C2CD3: variants seen among roughly 807,000 people sequenced by gnomAD.
C2CD3 encodes the protein C2 domain containing 3 centriole elongation regulator, also known as C2 domain-containing protein 3.
A neutral mutation model predicts 234.0 loss-of-function variants in C2CD3; 148 were observed. That is an observed-to-expected ratio of 0.63 (90% confidence interval 0.55 to 0.72). C2CD3 has a LOEUF of 0.72. C2CD3 is among the 30% of genes least tolerant of loss of function. The probability of loss-of-function intolerance (pLI) is 0.00; values close to 1 mark genes in which losing one functional copy is unlikely to be tolerated. For missense variants in C2CD3, 2,577 were observed against 2,811.5 expected (o/e 0.92, Z 1.89); for synonymous variants, 1,000 against 1,035.4 (o/e 0.97, Z 0.66).
At chr11:74,044,976 T>C (rs1036429149) in intron 28 of C2CD3, among the ~76,000 whole-genome samples, 1 of 152,182 alleles carries the variant, frequency 6.6e-6, no homozygotes, top group Non-Finnish European at 1.5e-5. Context: ...TTGGTGTCAT[T>C]TCCTAAGGAA....
At chr11:74,117,913 C>T (rs78384854) in intron 9 of C2CD3, among the ~76,000 whole-genome samples, 1 of 65,988 alleles carries the variant, frequency 1.5e-5, no homozygotes. Flanking sequence ...AACTCCGTCT[C>T]AAAAAAAAAA....
intron 2 of C2CD3, chr11:74,164,164 C>T (rs1856655664): frequency 1.0e-6 from 1 of 973,082 alleles, no homozygotes; most frequent in Admixed American, 6.2e-5. Context: ...TTATACTTCA[C>T]TTGTTGTGGA....
intron 3 of C2CD3, among the ~76,000 whole-genome samples, chr11:74,151,824 T>C (rs1014337217): frequency 5.3e-5 from 8 of 152,048 alleles, no homozygotes; most frequent in Non-Finnish European, 1.0e-4. Flanking sequence ...TAGATGCTCC[T>C]AATGCTTAAG....
rs118123271 is a variant in C2CD3, at chr11:74,039,759, C to T, written c.5661-2061G>A. Among the ~76,000 whole-genome samples, 547 of 152,180 alleles carry T rather than the reference C, an allele frequency of 3.6e-3. 3 individuals are homozygous for T. The highest frequency in any genetic ancestry group is 5.5e-3 in the Non-Finnish European group (371 of 68,000). The stretch of plus-strand genomic sequence containing the variant: ...GGATGCAGCTAAACAACCTACAATG[C>T]GCAGAACTGACCCTCAAAACAAAAT... On this transcript the variant is annotated intron_variant, in intron 29 of 32. Transcript: ENST00000334126.
At chr11:74,048,815 C>G (rs558098224) in intron 27 of C2CD3, among the ~76,000 whole-genome samples, 6 of 152,124 alleles carry the variant, frequency 3.9e-5, no homozygotes, top group African/African-American at 1.4e-4. Flanking sequence ...GGGCCAGGCA[C>G]GAGAGACAGA....
At chr11:74,038,273 G>C (rs775625008) in intron 29 of C2CD3, among the ~76,000 whole-genome samples, 4 of 152,156 alleles carry the variant, frequency 2.6e-5, no homozygotes, top group Non-Finnish European at 4.4e-5. Flanking sequence ...CAAAACAAAA[G>C]AATGCTGGAT....
chr11:74,103,556 G>A lies in C2CD3; in HGVS notation c.2155C>T (p.His719Tyr), dbSNP rs1432908784. ...GTAGGAGCACAAAGTGGGGTATAAT[G>A]GGTGTTGCCACTTAACTTAGTATTG... ...GINTKLSGNT[H>Y]YTPLCAPTSP... Residue 719 changes from histidine (H) to tyrosine (Y), a missense_variant, in exon 14 of 33, where the codon CAT (histidine) becomes TAT (tyrosine). Physicochemically the swap from His to Tyr is moderately conservative, Grantham distance 83. Transcript: ENST00000334126. 2 of 1,613,322 alleles carry A rather than the reference G, an allele frequency of 1.2e-6. No individual in the cohort carries two copies. The highest frequency in any genetic ancestry group is 2.2e-5 in the South Asian group (2 of 91,074).
At chr11:74,036,091 C>T (rs1952731708) in intron 30 of C2CD3, 1 of 196,980 alleles carries the variant, frequency 5.1e-6, no homozygotes, top group Non-Finnish European at 1.1e-5. Context: ...AACTCCTAAC[C>T]TTAAGTGATC....
At chr11:74,116,793 C>T (rs1956942798) in intron 9 of C2CD3, among the ~76,000 whole-genome samples, 1 of 143,658 alleles carries the variant, frequency 7.0e-6, no homozygotes, top group Admixed American at 6.9e-5. Context: ...TATATATACA[C>T]ACACACACGT....
chr11:74,040,738 AG>A (rs1349597705), intron 29 of C2CD3, among the ~76,000 whole-genome samples: 9 of 152,156 alleles, frequency 5.9e-5, no homozygotes, highest in Admixed American at 5.2e-4. Flanking sequence ...CCGGGGCAAC[AG>A]TGCGAGACCC....
At position 74,103,272 on chromosome 11, in the gene C2CD3, A is replaced by G. The variant is rs150308771; in HGVS notation, c.2439T>C (p.Asp813=). 103 of 1,614,044 alleles carry G rather than the reference A, an allele frequency of 6.4e-5. No homozygotes were observed. Among genetic ancestry groups the G allele is most frequent in the Non-Finnish European group, 8.4e-5 (99 of 1,180,034 alleles). The change falls in exon 14 of 33, where the codon GAT becomes GAC. Residue 813 remains aspartate (D), a synonymous_variant. Coordinates refer to ENST00000334126, the MANE Select transcript of C2CD3 (RefSeq NM_001286577.2). ...LLLHVLLMVP[D]GKDFISGESE... ...ATTCTCCACTAATAAAATCTTTCCCATCTGGCACCATCAACAGCACATGCA... is the reference window on the plus strand; with the variant it reads ...ATTCTCCACTAATAAAATCTTTCCCGTCTGGCACCATCAACAGCACATGCA...
intron 14 of C2CD3, among the ~76,000 whole-genome samples, chr11:74,102,355 A>G (rs1260326146): frequency 2.0e-5 from 3 of 152,220 alleles, no homozygotes; most frequent in Non-Finnish European, 2.9e-5. Context: ...TGCCAAGTGT[A>G]AACTGCTTCT....
At position 74,034,114 on chromosome 11, in the gene C2CD3, T is replaced by C; in HGVS notation, c.6046A>G (p.Thr2016Ala). 6.5e-7 allele frequency: 1 copy of C among 1,536,218 alleles called. No homozygotes were observed. The highest frequency in any genetic ancestry group is 1.2e-5 in the South Asian group (1 of 84,042). Reference sequence around the variant, plus strand: ...AGAGGAGGGGGTGATGGGGAATCTGTGCCTTTATCTGGAGCTCTTACCAAT... The same window carrying C: ...AGAGGAGGGGGTGATGGGGAATCTGCGCCTTTATCTGGAGCTCTTACCAAT... Reference protein sequence around the residue: ...EPLVRAPDKGTDSPSPPPLEE... With the variant: ...EPLVRAPDKGADSPSPPPLEE... The change falls in exon 31 of 33, where the codon ACA (threonine) becomes GCA (alanine). Residue 2016 changes from threonine (T) to alanine (A), a missense_variant. Thr to Ala is a moderately conservative substitution (Grantham distance 58). Coordinates refer to ENST00000334126, the MANE Select transcript of C2CD3 (RefSeq NM_001286577.2).
At chr11:74,094,033 A>T in intron 17 of C2CD3, 34 bp from the exon 18 acceptor site, 1 of 1,540,408 alleles carries the variant, frequency 6.5e-7, no homozygotes. Flanking sequence ...GAATAATCCA[A>T]CATATGACTT....
intron 32 of C2CD3, among the ~76,000 whole-genome samples, chr11:74,027,737 C>T (rs1371954885): frequency 2.0e-5 from 3 of 152,130 alleles, no homozygotes; most frequent in Non-Finnish European, 4.4e-5. Flanking sequence ...TATTATTAAG[C>T]AGTTATTATT....
chr11:74,132,756 T>C, intron 7 of C2CD3, 88 bp downstream of exon 7: 1 of 1,304,044 alleles, frequency 7.7e-7, no homozygotes, highest in South Asian at 1.3e-5. Flanking sequence ...TAAGGACATG[T>C]TACTTTAGGA....
chr11:74,090,678 T>C (rs1178462912), intron 20 of C2CD3, 135 bp downstream of exon 20: 1 of 968,278 alleles, frequency 1.0e-6, no homozygotes, highest in Admixed American at 2.2e-5. Flanking sequence ...TCTGAAATGC[T>C]TTATTAACAG....
chr11:74,045,058 T>G (rs1008199668), intron 28 of C2CD3, among the ~76,000 whole-genome samples: 3 of 152,186 alleles, frequency 2.0e-5, no homozygotes, highest in African/African-American at 7.2e-5. Flanking sequence ...TTTTAGTTTT[T>G]ACATTTAGAT....
chr11:74,143,821 T>C (rs1854975334), intron 3 of C2CD3, among the ~76,000 whole-genome samples: 1 of 152,136 alleles, frequency 6.6e-6, no homozygotes, highest in South Asian at 2.1e-4. Context: ...CTCCTTTATG[T>C]TTGGAAGAAT....
Sources: allele counts gnomAD v4.1 joint callset (sites outside exome capture counted in the v4.1 genomes callset), GRCh38; gene constraint gnomAD v4.1.1; transcripts MANE v1.5; gene names NCBI Gene and HGNC (gene_info 2026-07-23, HGNC 2026-07-21).